The following EXD2 variants were observed in gnomAD, a reference collection of about 807,000 sequenced individuals.
EXD2 encodes the protein exonuclease 3'-5' domain containing 2.
In EXD2, 40 loss-of-function variants were observed where a neutral mutation model predicts 62.5. The ratio of observed to expected loss-of-function variants is 0.64; its 90% CI spans 0.50 to 0.83. EXD2 has a LOEUF of 0.83. EXD2 is among the 40% of genes least tolerant of loss of function. The pLI is 0.00. For synonymous variants in EXD2, 239 were observed against 291.9 expected (o/e 0.82, Z 1.85); for missense variants, 671 against 761.8 (o/e 0.88, Z 1.40).
chr14:69,192,228 T>G (rs1198855096), intron 1 of EXD2: 1 of 152,160 alleles, frequency 6.6e-6, no homozygotes, highest in African/African-American at 2.4e-5. Flanking sequence ...CGATAAGCTT[T>G]TGATATGATT....
intron 2 of EXD2, among the ~76,000 whole-genome samples, chr14:69,205,303 G>A (rs765006296): frequency 6.6e-6 from 1 of 151,884 alleles, no homozygotes; most frequent in African/African-American, 2.4e-5. Flanking sequence ...CTCCCACCTC[G>A]GCCTCCCAAA....
chr14:69,205,736 T>TTG (rs1335551592), intron 2 of EXD2, among the ~76,000 whole-genome samples: 1 of 151,470 alleles, frequency 6.6e-6, no homozygotes, highest in East Asian at 1.9e-4. Flanking sequence ...TGGGGTGTGT[T>TTG]TGTGTGTGTG....
chr14:69,192,458 C>A (rs567529717), intron 1 of EXD2, among the ~76,000 whole-genome samples: 6 of 150,964 alleles, frequency 4.0e-5, no homozygotes, highest in African/African-American at 1.5e-4. Context: ...TAGTTATAGT[C>A]CGTGCATAAA....
At chr14:69,199,528 G>C (rs911238167) in intron 1 of EXD2, among the ~76,000 whole-genome samples, 2 of 151,870 alleles carry the variant, frequency 1.3e-5, no homozygotes, top group African/African-American at 4.8e-5. Context: ...ATAACACTCA[G>C]CTTAAGACAC....
intron 1 of EXD2, among the ~76,000 whole-genome samples, chr14:69,199,535 A>G (rs2042317715): frequency 1.3e-5 from 2 of 152,170 alleles, no homozygotes. Context: ...TCAGCTTAAG[A>G]CACAAATATG....
chr14:69,201,182 G>T (rs1043792153), intron 1 of EXD2, among the ~76,000 whole-genome samples: 6 of 151,154 alleles, frequency 4.0e-5, no homozygotes, highest in South Asian at 2.1e-4. Context: ...TCTTACGTTG[G>T]TTTTTTTTGT....
intron 3 of EXD2, among the ~76,000 whole-genome samples, chr14:69,214,410 T>C (rs2042924438): frequency 6.6e-6 from 1 of 152,224 alleles, no homozygotes; most frequent in Non-Finnish European, 1.5e-5. Flanking sequence ...TCTAGATTCA[T>C]TATATACGAT....
chr14:69,219,399 G>A lies in EXD2; in HGVS notation c.334-9417G>A, dbSNP rs7142359. On this transcript the variant is annotated intron_variant, in intron 3 of 9. Transcript: ENST00000685843. ...TTTCTTTATCCATTCTTCTGTTGATGAACACTTAGGTTGATTCTATATCTT... is the reference window on the plus strand; with the variant it reads ...TTTCTTTATCCATTCTTCTGTTGATAAACACTTAGGTTGATTCTATATCTT... Among the ~76,000 whole-genome samples, 732 of 152,294 alleles carry A rather than the reference G, an allele frequency of 4.8e-3. 9 individuals carry two copies. Among genetic ancestry groups the A allele is most frequent in the African/African-American group, 0.017 (707 of 41,558 alleles).
In EXD2 at chr14:69,230,658, T is replaced by C. The variant is rs921238035; in HGVS notation, c.717+60T>C. On this transcript the variant is annotated intron_variant, in intron 5 of 9. Transcript: ENST00000685843. ...TCATTGTTTCTGAAGTATAACTGTT[T>C]ATAAAATTCGAATTCTCAAATATAG... 20 of 1,532,136 alleles carry C rather than the reference T, an allele frequency of 1.3e-5. No individual in the cohort carries two copies. The African/African-American group carries it at 1.4e-4, about 11-fold the overall frequency. The allele number at this position is 1,532,136 out of a possible 1,614,324, so 94.9% of individuals were successfully genotyped here.
intron 4 of EXD2, 71 bp downstream of exon 4, chr14:69,229,143 T>A: frequency 1.3e-6 from 2 of 1,572,838 alleles, no homozygotes; most frequent in East Asian, 4.5e-5. Flanking sequence ...TGTAGATGCC[T>A]GGGACTCAAT....
intron 3 of EXD2, among the ~76,000 whole-genome samples, chr14:69,223,680 A>G (rs1369473158): frequency 6.6e-6 from 1 of 152,168 alleles, no homozygotes; most frequent in Non-Finnish European, 1.5e-5. Flanking sequence ...AGGCAGGTGG[A>G]GACATTAAAT....
chr14:69,226,692 G>A (rs1481374687), intron 3 of EXD2, among the ~76,000 whole-genome samples: 2 of 152,054 alleles, frequency 1.3e-5, no homozygotes. Flanking sequence ...AGGTTGCAGT[G>A]AGCTGAGATT....
At chr14:69,221,187 A>C (rs1435873148) in intron 3 of EXD2, among the ~76,000 whole-genome samples, 1 of 152,156 alleles carries the variant, frequency 6.6e-6, no homozygotes, top group Non-Finnish European at 1.5e-5. Flanking sequence ...GCTTTGATTT[A>C]AAAAAGTTAT....
intron 5 of EXD2, among the ~76,000 whole-genome samples, chr14:69,234,423 T>TTTCTA (rs2043695802): frequency 5.3e-5 from 8 of 152,188 alleles, no homozygotes; most frequent in African/African-American, 1.9e-4. Context: ...CACTGATTTA[T>TTTCTA]ATAGGTGAGG....
At chr14:69,197,421 C>CTT (rs57338516) in intron 1 of EXD2, among the ~76,000 whole-genome samples, 2 of 148,066 alleles carry the variant, frequency 1.4e-5, no homozygotes, top group African/African-American at 5.0e-5. Flanking sequence ...TTGATTCATT[C>CTT]TTTTTTTTTT....
At position 69,242,979 on chromosome 14, in the gene EXD2, A is replaced by AG. The variant is rs925800142; in HGVS notation, c.*1880dup. On this transcript the variant is annotated 3_prime_UTR_variant, in exon 10 of 10. Coordinates refer to ENST00000685843, the MANE Select transcript of EXD2 (RefSeq NM_001193360.2). ...TTCTTTCCTTCTAATCCTCATGCCA[A>AG]GAGGTGAGAAACACTTAAGGTCATT... 6.6e-6 allele frequency: 1 copy of AG among 152,192 alleles called. No homozygotes were observed. The highest frequency in any genetic ancestry group is 2.4e-5 in the African/African-American group (1 of 41,454). The allele number at this position is 152,192 out of a possible 1,614,324, so 9.4% of individuals were successfully genotyped here.
chr14:69,210,813 G>A (rs1566823036), intron 3 of EXD2, among the ~76,000 whole-genome samples: 4 of 150,610 alleles, frequency 2.7e-5, no homozygotes, highest in African/African-American at 7.3e-5. Flanking sequence ...CTGTCTCGGG[G>A]AAAAAAAAAT....
chr14:69,238,407 T>TA (rs1217692811), intron 9 of EXD2, among the ~76,000 whole-genome samples: 1 of 152,122 alleles, frequency 6.6e-6, no homozygotes, highest in Non-Finnish European at 1.5e-5. Context: ...CACCAATGCT[T>TA]AAGTGCCTGA....
chr14:69,233,226 T>C (rs1436830442), intron 5 of EXD2, among the ~76,000 whole-genome samples: 1 of 152,146 alleles, frequency 6.6e-6, no homozygotes, highest in Admixed American at 6.5e-5. Context: ...GATATGTAGA[T>C]TGTTGGATCT....
Sources: allele counts gnomAD v4.1 joint callset (sites outside exome capture counted in the v4.1 genomes callset), GRCh38; gene constraint gnomAD v4.1.1; transcripts MANE v1.5; gene names NCBI Gene and HGNC (gene_info 2026-07-23, HGNC 2026-07-21).